BICD1: variants seen among roughly 807,000 people sequenced by gnomAD.
The protein encoded by BICD1 is protein bicaudal D homolog 1.
Under a neutral mutation model 92.5 loss-of-function variants are expected in BICD1, and 35 were observed. The ratio of observed to expected loss-of-function variants is 0.38; its 90% CI spans 0.29 to 0.50. The LOEUF (loss-of-function observed/expected upper bound fraction) is 0.50, where lower values mean the gene tolerates loss of function less well. Ranked by LOEUF, BICD1 falls within the 20% of genes least tolerant of loss-of-function variation. BICD1 has a pLI of 0.93. For missense variants in BICD1, 950 were observed against 1,189.8 expected (o/e 0.80, Z 2.97); for synonymous variants, 429 against 465.1 (o/e 0.92, Z 1.00).
chr12:32,302,132 C>G (rs968301648), intron 3 of BICD1, among the ~76,000 whole-genome samples: 1 of 152,098 alleles, frequency 6.6e-6, no homozygotes, highest in Non-Finnish European at 1.5e-5. Context: ...GTGATCCGCC[C>G]GCCTCAGCCT....
intron 3 of BICD1, among the ~76,000 whole-genome samples, chr12:32,299,618 CTT>C (rs1947976793): frequency 6.6e-6 from 1 of 152,104 alleles, no homozygotes; most frequent in African/African-American, 2.4e-5. Context: ...AATCCCAACA[CTT>C]TAGGAGGCCA....
At chr12:32,122,669 T>G (rs1389937307) in intron 1 of BICD1, among the ~76,000 whole-genome samples, 1 of 152,152 alleles carries the variant, frequency 6.6e-6, no homozygotes, top group African/African-American at 2.4e-5. Context: ...CTTGAGACAA[T>G]ACAAGCAATT....
At chr12:32,321,568 A>T (rs918668308) in intron 4 of BICD1, among the ~76,000 whole-genome samples, 1 of 152,218 alleles carries the variant, frequency 6.6e-6, no homozygotes, top group Admixed American at 6.5e-5. Context: ...CAGTCACTAC[A>T]GAAGATTATA....
chr12:32,296,263 T>G (rs891082800), intron 3 of BICD1, among the ~76,000 whole-genome samples: 32 of 146,030 alleles, frequency 2.2e-4, no homozygotes, highest in East Asian at 2.0e-3. Flanking sequence ...TTTGTTTTTT[T>G]TTTTTTTTTT....
rs7971940 is a variant in BICD1, at chr12:32,363,107, T to C, written c.2765-4563T>C. ...TTGATTCAGCAAATATTTTCCTCTC[T>C]TATTTCTCCCTTTCTTTTCTATCTT... On this transcript the variant is annotated intron_variant, in intron 8 of 9. Transcript: ENST00000652176. 9.1e-3 allele frequency among the ~76,000 whole-genome samples: 1,379 copies of C among 152,282 alleles called. 14 individuals carry two copies. The highest frequency in any genetic ancestry group is 0.014 in the Non-Finnish European group (971 of 68,024).
intron 2 of BICD1, among the ~76,000 whole-genome samples, chr12:32,242,348 A>G (rs1946261424): frequency 6.6e-6 from 1 of 151,852 alleles, no homozygotes; most frequent in African/African-American, 2.4e-5. Context: ...CAACATTGTG[A>G]AACCAGTCTC....
At chr12:32,263,574 A>G (rs1431056096) in intron 2 of BICD1, among the ~76,000 whole-genome samples, 1 of 152,070 alleles carries the variant, frequency 6.6e-6, no homozygotes, top group Non-Finnish European at 1.5e-5. Flanking sequence ...AGTATTACAG[A>G]AAAGAATGTG....
intron 2 of BICD1, among the ~76,000 whole-genome samples, chr12:32,222,851 G>C (rs147503704): frequency 6.6e-6 from 1 of 152,106 alleles, no homozygotes; most frequent in Non-Finnish European, 1.5e-5. Flanking sequence ...CAGCAACAAG[G>C]TGCCATCTTG....
At chr12:32,230,719 C>T (rs575594772) in intron 2 of BICD1, among the ~76,000 whole-genome samples, 74 of 152,158 alleles carry the variant, frequency 4.9e-4, no homozygotes, top group Non-Finnish European at 9.3e-4. Context: ...TCTGTCTCAC[C>T]TCACTTTCCA....
intron 4 of BICD1, among the ~76,000 whole-genome samples, chr12:32,325,803 G>C (rs1948761470): frequency 6.6e-6 from 1 of 152,032 alleles, no homozygotes; most frequent in Non-Finnish European, 1.5e-5. Flanking sequence ...GGCCAGGCGC[G>C]GTGGCTCACG....
At chr12:32,253,875 CCG>C (rs1946635128) in intron 2 of BICD1, among the ~76,000 whole-genome samples, 4 of 124,256 alleles carry the variant, frequency 3.2e-5, no homozygotes, top group Admixed American at 7.8e-5. Flanking sequence ...ATAATCACTG[CCG>C]TATCCCACCT....
intron 1 of BICD1, among the ~76,000 whole-genome samples, chr12:32,111,652 G>T (rs1476424942): frequency 1.3e-5 from 2 of 151,752 alleles, no homozygotes; most frequent in African/African-American, 2.4e-5. Flanking sequence ...CTTTCACCCA[G>T]CCTGGAGTGC....
intron 1 of BICD1, among the ~76,000 whole-genome samples, chr12:32,211,447 G>C (rs1326245077): frequency 1.3e-5 from 2 of 152,112 alleles, no homozygotes; most frequent in African/African-American, 4.8e-5. Flanking sequence ...GTCTACATCT[G>C]AAATGTTTAT....
intron 1 of BICD1, among the ~76,000 whole-genome samples, chr12:32,152,131 A>G (rs1471003341): frequency 2.6e-5 from 4 of 151,480 alleles, no homozygotes; most frequent in Non-Finnish European, 5.9e-5. Context: ...CAATTTTTGT[A>G]TTTTTAGTAG....
intron 4 of BICD1, among the ~76,000 whole-genome samples, chr12:32,311,524 T>C (rs893185903): frequency 6.6e-6 from 1 of 151,970 alleles, no homozygotes; most frequent in Non-Finnish European, 1.5e-5. Flanking sequence ...AAGAAATACA[T>C]TGGTTTGGTT....
Position 32,223,447 on chromosome 12 carries a change from G to T in BICD1, c.426+6988G>T, listed in dbSNP as rs191883574. Among the ~76,000 whole-genome samples, 291 of 151,720 alleles carry T rather than the reference G, an allele frequency of 1.9e-3. 1 individual carries two copies. Among genetic ancestry groups the T allele is most frequent in the South Asian group, 0.013 (64 of 4,800 alleles). ...GCGGAGAATCGCTTGAACGTGAGAG[G>T]CAGGTGTTGCAGTGAGCCAAGATCG... is the stretch of plus-strand genomic sequence containing the variant. On this transcript the variant is annotated intron_variant, in intron 2 of 9. Transcript: ENST00000652176.
chr12:32,332,467 T>C, intron 5 of BICD1: 2 of 981,170 alleles, frequency 2.0e-6, no homozygotes, highest in Non-Finnish European at 2.4e-6. Flanking sequence ...CAGTGCCTTC[T>C]GATGAAGTCA....
chr12:32,144,470 A>G (rs1943044359), intron 1 of BICD1, among the ~76,000 whole-genome samples: 2 of 152,256 alleles, frequency 1.3e-5, no homozygotes, highest in African/African-American at 4.8e-5. Context: ...GCATAAATCC[A>G]CAGTGGGTAC....
chr12:32,258,558 G>A (rs114808612), intron 2 of BICD1, among the ~76,000 whole-genome samples: 2 of 152,134 alleles, frequency 1.3e-5, no homozygotes, highest in African/African-American at 4.8e-5. Context: ...GCAGAGACCA[G>A]TAATGGCCCC....
Sources: allele counts gnomAD v4.1 joint callset (sites outside exome capture counted in the v4.1 genomes callset), GRCh38; gene constraint gnomAD v4.1.1; transcripts MANE v1.5; gene names NCBI Gene and HGNC (gene_info 2026-07-23, HGNC 2026-07-21).